Variants in RECK observed in about 807,000 individuals in gnomAD.
RECK encodes the protein reversion-inducing cysteine-rich protein with Kazal motifs.
Under a neutral mutation model 115.1 loss-of-function variants are expected in RECK, and 69 were observed. The observed-to-expected ratio is 0.60, with a 90% CI of 0.49 to 0.73. RECK has a LOEUF of 0.73. Among genes scored for constraint, RECK ranks in the 30% least tolerant of loss-of-function variants. The pLI, the probability that RECK is intolerant of heterozygous loss-of-function variation, is 0.00. For missense variants in RECK, 1,047 were observed against 1,203.7 expected (o/e 0.87, Z 1.93); for synonymous variants, 414 against 419.7 (o/e 0.99, Z 0.17).
chr9:36,056,624 G>A (rs1208847001), intron 2 of RECK, among the ~76,000 whole-genome samples: 1 of 152,098 alleles, frequency 6.6e-6, no homozygotes, highest in Non-Finnish European at 1.5e-5. Context: ...GACCTATATG[G>A]TAGCCACTAG....
intron 8 of RECK, among the ~76,000 whole-genome samples, chr9:36,084,422 C>T (rs776244416): frequency 9.9e-5 from 15 of 151,428 alleles, no homozygotes; most frequent in African/African-American, 3.4e-4. Flanking sequence ...AGGCCAGGCA[C>T]GGTGGCTCAC....
intron 1 of RECK, among the ~76,000 whole-genome samples, chr9:36,047,181 C>G (rs1430798910): frequency 6.6e-6 from 1 of 152,208 alleles, no homozygotes; most frequent in Admixed American, 6.5e-5. Context: ...TTCTAGAGCT[C>G]TTCAAAAGAG....
chr9:36,092,542 A>ATT (rs71508011), intron 10 of RECK, among the ~76,000 whole-genome samples: 1,553 of 116,996 alleles, frequency 0.013, 20 homozygotes, highest in African/African-American at 0.022. Flanking sequence ...CACCCAGCTA[A>ATT]TTTTTTTTTT....
intron 8 of RECK, 46 bp from the exon 9 acceptor site, chr9:36,087,648 A>C (rs1823014430): frequency 6.3e-7 from 1 of 1,580,826 alleles, no homozygotes; most frequent in African/African-American, 1.4e-5. Flanking sequence ...AATAAAAACA[A>C]ACAAAAAAAA....
intron 4 of RECK, among the ~76,000 whole-genome samples, chr9:36,062,537 G>GT (rs1325589787): frequency 6.6e-6 from 1 of 151,968 alleles, no homozygotes; most frequent in Non-Finnish European, 1.5e-5. Flanking sequence ...GAGTGCAGTG[G>GT]TGCAGTCTCG....
rs143148105 is a variant in RECK, at chr9:36,036,936, G to T, written c.-63G>T. ...TCGCGCGAGCGGCGGCGGTAGCGGC[G>T]GCAGCGGCTGCGGCCAAGCTGGGTC... On this transcript the variant is annotated 5_prime_UTR_variant, in exon 1 of 21. Transcript: ENST00000377966. 12,322 of 1,110,806 alleles carry T rather than the reference G, an allele frequency of 0.011. 89 individuals are homozygous for T. Among genetic ancestry groups the T allele is most frequent in the Non-Finnish European group, 0.012 (10,661 of 863,208 alleles). The allele number at this position is 1,110,806 out of a possible 1,614,324, so 68.8% of individuals were successfully genotyped here.
intron 19 of RECK, 141 bp from the exon 20 acceptor site, chr9:36,121,392 C>A: frequency 1.4e-6 from 1 of 691,360 alleles, no homozygotes; most frequent in Non-Finnish European, 2.4e-6. Context: ...CAGAATTTGG[C>A]CTAGCAAAGC....
chr9:36,058,167 G>A (rs1821607230), intron 2 of RECK, among the ~76,000 whole-genome samples: 2 of 151,638 alleles, frequency 1.3e-5, no homozygotes, highest in South Asian at 4.2e-4. Flanking sequence ...ATACCCAAAG[G>A]ACTATAAATC....
rs536683119 is a variant in RECK, at chr9:36,111,522, T to C, written c.1889-783T>C. On this transcript the variant is annotated intron_variant, in intron 15 of 20. Transcript: ENST00000377966. Reference sequence around the variant, plus strand: ...AATTCTCCTGCCTCAGCCTCCCAAGTAGCTAGGAACGACAGGCATGCGCCA... The same window carrying C: ...AATTCTCCTGCCTCAGCCTCCCAAGCAGCTAGGAACGACAGGCATGCGCCA... 6.6e-5 allele frequency among the ~76,000 whole-genome samples: 10 copies of C among 152,266 alleles called. No homozygotes were observed. The East Asian group carries it at 1.7e-3, about 27-fold the overall frequency.
At chr9:36,088,874 A>G (rs1373939996) in intron 9 of RECK, among the ~76,000 whole-genome samples, 1 of 152,176 alleles carries the variant, frequency 6.6e-6, no homozygotes, top group African/African-American at 2.4e-5. Context: ...TACAAAATTT[A>G]GCGGGGCGTG....
At chr9:36,046,444 T>C (rs1210210562) in intron 1 of RECK, among the ~76,000 whole-genome samples, 1 of 152,226 alleles carries the variant, frequency 6.6e-6, no homozygotes, top group Non-Finnish European at 1.5e-5. Context: ...AAGATTCTAA[T>C]AAGCTTTAGC....
intron 5 of RECK, among the ~76,000 whole-genome samples, chr9:36,064,254 C>A (rs891210379): frequency 3.3e-5 from 5 of 152,130 alleles, no homozygotes; most frequent in Admixed American, 3.3e-4. Flanking sequence ...TTTTTCATCT[C>A]CTTTTCTCTG....
At chr9:36,105,597 A>G (rs1168740137) in intron 13 of RECK, among the ~76,000 whole-genome samples, 1 of 152,212 alleles carries the variant, frequency 6.6e-6, no homozygotes, top group Non-Finnish European at 1.5e-5. Flanking sequence ...ACTATGAAAG[A>G]AAAGAAGCTC....
At chr9:36,114,010 G>A (rs934049614) in intron 16 of RECK, among the ~76,000 whole-genome samples, 3 of 152,162 alleles carry the variant, frequency 2.0e-5, no homozygotes, top group Non-Finnish European at 4.4e-5. Context: ...ATTCAGAGAC[G>A]TGGGATCCTT....
At chr9:36,058,254 G>A (rs1821610808) in intron 2 of RECK, among the ~76,000 whole-genome samples, 1 of 151,910 alleles carries the variant, frequency 6.6e-6, no homozygotes, top group Non-Finnish European at 1.5e-5. Flanking sequence ...AACCAACCCA[G>A]ATGTCCAACA....
At chr9:36,070,862 A>G (rs1822201345) in intron 6 of RECK, among the ~76,000 whole-genome samples, 1 of 152,170 alleles carries the variant, frequency 6.6e-6, no homozygotes, top group African/African-American at 2.4e-5. Flanking sequence ...ATCCAAATCA[A>G]CCATTAGCTT....
At chr9:36,088,611 C>T (rs755688356) in intron 9 of RECK, among the ~76,000 whole-genome samples, 1 of 152,162 alleles carries the variant, frequency 6.6e-6, no homozygotes, top group Non-Finnish European at 1.5e-5. Context: ...AGATACCAGG[C>T]GTAAAACAAT....
At chr9:36,102,961 A>G (rs1823619328) in intron 12 of RECK, among the ~76,000 whole-genome samples, 1 of 152,054 alleles carries the variant, frequency 6.6e-6, no homozygotes, top group Non-Finnish European at 1.5e-5. Context: ...GTCTAAAAAA[A>G]AAAAAAAAAA....
chr9:36,054,487 A>C (rs1821439327), intron 2 of RECK, among the ~76,000 whole-genome samples: 1 of 141,934 alleles, frequency 7.0e-6, no homozygotes. Flanking sequence ...ATCTGAGAAA[A>C]GGCCCTTAGT....
Sources: gnomAD v4.1 joint callset for allele counts (sites outside exome capture counted in the v4.1 genomes callset) on GRCh38, gnomAD v4.1.1 for gene constraint, MANE v1.5 for transcripts, NCBI Gene and HGNC (gene_info 2026-07-23, HGNC 2026-07-21) for gene names.